Variants in IL12RB2 observed in about 807,000 individuals in gnomAD.
The protein encoded by IL12RB2 is interleukin 12 receptor subunit beta 2.
In IL12RB2, 82 loss-of-function variants were observed where a neutral mutation model predicts 89.4. The observed-to-expected ratio is 0.92, with a 90% CI of 0.77 to 1.10. IL12RB2 has a LOEUF of 1.10. Ranked by LOEUF, IL12RB2 falls within the 50% of genes least tolerant of loss-of-function variation. The probability of loss-of-function intolerance (pLI) is 0.00; values close to 1 mark genes in which losing one functional copy is unlikely to be tolerated. For missense variants in IL12RB2, 963 were observed against 1,031.9 expected (o/e 0.93, Z 0.92); for synonymous variants, 368 against 370.1 (o/e 0.99, Z 0.07).
At chr1:67,323,410 G>GAGCCTCAGTTTCTCCATCTGT (rs1656846334) in intron 4 of IL12RB2, among the ~76,000 whole-genome samples, 1 of 152,186 alleles carries the variant, frequency 6.6e-6, no homozygotes, top group Admixed American at 6.5e-5. Flanking sequence ...TAAATTATCT[G>GAGCCTCAGTTTCTCCATCTGT]AGCCTCAGTT....
intron 11 of IL12RB2, among the ~76,000 whole-genome samples, chr1:67,370,425 A>G (rs1663176363): frequency 6.6e-6 from 1 of 152,088 alleles, no homozygotes; most frequent in Non-Finnish European, 1.5e-5. Flanking sequence ...GTGTCTAGAA[A>G]ACCTTCCCTG....
intron 10 of IL12RB2, among the ~76,000 whole-genome samples, chr1:67,363,463 A>C (rs1163574144): frequency 8.2e-6 from 1 of 122,398 alleles, no homozygotes; most frequent in Non-Finnish European, 1.7e-5. Flanking sequence ...TGATTCGCCC[A>C]CCTCAGCCTC....
chr1:67,317,982 G>A (rs1486495113), intron 2 of IL12RB2, among the ~76,000 whole-genome samples: 1 of 152,194 alleles, frequency 6.6e-6, no homozygotes, highest in Non-Finnish European at 1.5e-5. Flanking sequence ...GACCACATTG[G>A]TCAGGGAGGG....
chr1:67,352,988 A>C (rs1000461238), intron 10 of IL12RB2, among the ~76,000 whole-genome samples: 4 of 152,228 alleles, frequency 2.6e-5, no homozygotes, highest in Admixed American at 6.5e-5. Context: ...TGACCAGGTA[A>C]TTTTAGCCTT....
chr1:67,386,913 T>TATATATATAA (rs1665251060), intron 15 of IL12RB2, among the ~76,000 whole-genome samples: 1 of 90,536 alleles, frequency 1.1e-5, no homozygotes, highest in Non-Finnish European at 2.6e-5. Flanking sequence ...TATATATATA[T>TATATATATAA]ATATTCTTTT....
intron 10 of IL12RB2, among the ~76,000 whole-genome samples, chr1:67,352,132 TAGA>T (rs1386434909): frequency 6.6e-6 from 1 of 152,202 alleles, no homozygotes; most frequent in Non-Finnish European, 1.5e-5. Context: ...ATAAAATACT[TAGA>T]AGAAAATACA....
intron 16 of IL12RB2, 41 bp from the exon 17 acceptor site, chr1:67,395,506 T>C: frequency 6.2e-7 from 1 of 1,614,054 alleles, no homozygotes; most frequent in East Asian, 2.2e-5. Flanking sequence ...TGAAGGTCAC[T>C]TCTACAGCAG....
intron 10 of IL12RB2, among the ~76,000 whole-genome samples, chr1:67,356,998 T>G (rs937622207): frequency 1.3e-5 from 2 of 151,640 alleles, no homozygotes; most frequent in African/African-American, 4.8e-5. Context: ...CCAAACAGAG[T>G]CAGCATGGAA....
Position 67,338,208 on chromosome 1 carries a change from A to G in IL12RB2, c.959-416A>G, listed in dbSNP as rs17129817. Among the ~76,000 whole-genome samples the G allele has an allele frequency of 2.6e-3, 399 of 151,922 alleles. 2 individuals are homozygous for G. The highest frequency in any genetic ancestry group is 9.3e-3 in the African/African-American group (385 of 41,432). ...GCCAGGCGTGGTGGTACGCACCTGT[A>G]GTCCCAGCTATGTGGGAGGCTGAGG... On this transcript the variant is annotated intron_variant, in intron 8 of 16. Transcript: ENST00000674203.
At chr1:67,395,454 T>C (rs1666274014) in intron 16 of IL12RB2, 93 bp from the exon 17 acceptor site, 2 of 1,610,680 alleles carry the variant, frequency 1.2e-6, no homozygotes, top group Non-Finnish European at 1.7e-6. Context: ...GAGGAGACAG[T>C]GCAGGTTGTG....
At chr1:67,340,329 G>C (rs1659385001) in intron 9 of IL12RB2, among the ~76,000 whole-genome samples, 1 of 152,190 alleles carries the variant, frequency 6.6e-6, no homozygotes, top group Non-Finnish European at 1.5e-5. Context: ...GCCATAATTT[G>C]TGAATATTAT....
chr1:67,325,094 G>A (rs989051232), intron 4 of IL12RB2, among the ~76,000 whole-genome samples: 1 of 152,264 alleles, frequency 6.6e-6, no homozygotes, highest in Admixed American at 6.5e-5. Context: ...TAATCTGAAT[G>A]CATCCCTCTT....
rs771105282 is a variant in IL12RB2, at chr1:67,321,852, T to C, written c.327T>C (p.Asp109=). 4 of 1,613,960 alleles carry C rather than the reference T, an allele frequency of 2.5e-6. No individual in the cohort carries two copies. In the South Asian group the frequency reaches 3.3e-5, roughly 13 times the overall value. ...GCAAACTGGCCTGTATCAATAGTGA[T>C]GAAATTCAAATATGTGGAGCAGAGA... is the stretch of plus-strand genomic sequence containing the variant. ...FVCKLACINS[D]EIQICGAEIF... Residue 109 remains aspartate, a synonymous_variant, in exon 4 of 17, where the codon GAT becomes GAC. Coordinates refer to ENST00000674203, the MANE Select transcript of IL12RB2 (RefSeq NM_001374259.2).
At chr1:67,361,813 A>G (rs530256819) in intron 10 of IL12RB2, among the ~76,000 whole-genome samples, 1 of 152,118 alleles carries the variant, frequency 6.6e-6, no homozygotes, top group African/African-American at 2.4e-5. Flanking sequence ...CTTAAAGAAC[A>G]CCAAACAGGG....
At chr1:67,316,944 G>C (rs1379301118) in intron 2 of IL12RB2, among the ~76,000 whole-genome samples, 1 of 152,104 alleles carries the variant, frequency 6.6e-6, no homozygotes, top group Non-Finnish European at 1.5e-5. Context: ...GTTTCCATGA[G>C]AGCTAAAATC....
intron 8 of IL12RB2, among the ~76,000 whole-genome samples, chr1:67,337,910 A>G (rs966940318): frequency 7.9e-6 from 1 of 126,688 alleles, no homozygotes; most frequent in African/African-American, 2.7e-5. Context: ...GTAAAAAAAA[A>G]AAAAAAAGAA....
At position 67,395,662 on chromosome 1, in the gene IL12RB2, C is replaced by A. The variant is rs754436548; in HGVS notation, c.2162C>A (p.Pro721His). ...CAAGTGACCCCAGTTTTCAGACATCCCCCCTGCTCCAACTGGCCACAAAGG... is the reference window on the plus strand; with the variant it reads ...CAAGTGACCCCAGTTTTCAGACATCACCCCTGCTCCAACTGGCCACAAAGG... ...LHQVTPVFRH[P>H]PCSNWPQREK... The change falls in exon 17 of 17, where the codon CCC becomes CAC. Residue 721 changes from proline to histidine, a missense_variant. Coordinates refer to ENST00000674203, the MANE Select transcript of IL12RB2 (RefSeq NM_001374259.2). The A allele has an allele frequency of 6.2e-7, 1 of 1,614,174 alleles. No individual in the cohort carries two copies. The highest frequency in any genetic ancestry group is 1.1e-5 in the South Asian group (1 of 91,080).
chr1:67,354,691 TC>T (rs1661197481), intron 10 of IL12RB2, among the ~76,000 whole-genome samples: 1 of 152,222 alleles, frequency 6.6e-6, no homozygotes. Flanking sequence ...AACTGCATGG[TC>T]CTGTCTTTGA....
intron 10 of IL12RB2, among the ~76,000 whole-genome samples, chr1:67,353,432 T>A (rs1017340846): frequency 1.3e-5 from 2 of 152,064 alleles, no homozygotes; most frequent in South Asian, 4.2e-4. Context: ...TAGTCAGCTG[T>A]GGTGGCTCAC....
Sources: allele counts gnomAD v4.1 joint callset (sites outside exome capture counted in the v4.1 genomes callset), GRCh38; gene constraint gnomAD v4.1.1; transcripts MANE v1.5; gene names NCBI Gene and HGNC (gene_info 2026-07-23, HGNC 2026-07-21).